Variants in SORCS2 observed in about 807,000 individuals in gnomAD.
SORCS2 encodes the protein VPS10 domain-containing receptor SorCS2.
SORCS2 carries 100 observed loss-of-function variants against 141.6 expected under a neutral mutation model. That is an observed-to-expected ratio of 0.71 (90% CI 0.60 to 0.83). The LOEUF is 0.83. SORCS2 is among the 40% of genes least tolerant of loss of function. The probability of loss-of-function intolerance (pLI) is 0.00; values close to 1 mark genes in which losing one functional copy is unlikely to be tolerated. For synonymous variants in SORCS2, 789 were observed against 676.9 expected (o/e 1.17, Z -2.57); for missense variants, 1,646 against 1,560.2 (o/e 1.05, Z -0.93).
At chr4:7,728,490 C>G (rs1310898636) in intron 22 of SORCS2, 28 bp downstream of exon 22, 6 of 1,544,872 alleles carry the variant, frequency 3.9e-6, no homozygotes, top group Non-Finnish European at 5.3e-6. Context: ...AGAGCCTCCC[C>G]AGCCCCACGG....
At chr4:7,221,739 C>T (rs551079293) in intron 1 of SORCS2, among the ~76,000 whole-genome samples, 13 of 152,344 alleles carry the variant, frequency 8.5e-5, no homozygotes, top group South Asian at 2.1e-4. Flanking sequence ...GGCCGTGGAG[C>T]GGGCAGCTCA....
chr4:7,398,726 G>T lies in SORCS2; in HGVS notation c.548+2371G>T, dbSNP rs375653792. Among the ~76,000 whole-genome samples, 11 of 152,272 alleles carry T rather than the reference G, an allele frequency of 7.2e-5. No individual in the cohort carries two copies. The South Asian group carries it at 2.1e-3, about 29-fold the overall frequency. On this transcript the variant is annotated intron_variant, in intron 2 of 26. Transcript: ENST00000507866. Reference sequence around the variant, plus strand: ...TCTAGTTTTTCCATGTAGTGACAGGGTCTGCGTCATCATTTCTTTTATGGC... The same window carrying T: ...TCTAGTTTTTCCATGTAGTGACAGGTTCTGCGTCATCATTTCTTTTATGGC...
At chr4:7,434,112 C>CTCCTCACAGAA in intron 2 of SORCS2, 1 of 1,612,654 alleles carries the variant, frequency 6.2e-7, no homozygotes, top group Non-Finnish European at 8.5e-7. Flanking sequence ...GTGCCCCTAG[C>CTCCTCACAGAA]TCCTCACAGA....
At chr4:7,732,452 C>T (rs571339482) in intron 23 of SORCS2, among the ~76,000 whole-genome samples, 43 of 152,320 alleles carry the variant, frequency 2.8e-4, no homozygotes, top group Admixed American at 1.8e-3. Flanking sequence ...TGTCACGTCA[C>T]GCAGACCCTG....
chr4:7,443,015 C>A (rs547908780), intron 2 of SORCS2, among the ~76,000 whole-genome samples: 3 of 152,320 alleles, frequency 2.0e-5, no homozygotes, highest in Non-Finnish European at 4.4e-5. Flanking sequence ...TAGCCTCTGC[C>A]TCTGTTGTGG....
Position 7,445,527 on chromosome 4 carries a change from A to G in SORCS2, c.548+49172A>G, listed in dbSNP as rs10002752. Among the ~76,000 whole-genome samples the G allele has an allele frequency of 9.6e-3, 1,463 of 152,190 alleles. 24 individuals are homozygous for G. Among genetic ancestry groups the G allele is most frequent in the African/African-American group, 0.034 (1,396 of 41,516 alleles). Reference sequence around the variant, plus strand: ...TGGGGCGCGGCAGCAGGTCCTGTGGATGGAGCGGGGCCGAGGGGAAGCACC... The same window carrying G: ...TGGGGCGCGGCAGCAGGTCCTGTGGGTGGAGCGGGGCCGAGGGGAAGCACC... On this transcript the variant is annotated intron_variant, in intron 2 of 26. Transcript: ENST00000507866.
intron 1 of SORCS2, among the ~76,000 whole-genome samples, chr4:7,251,573 C>G (rs1405245976): frequency 6.6e-6 from 1 of 152,176 alleles, no homozygotes; most frequent in Non-Finnish European, 1.5e-5. Context: ...GGCTCTGACA[C>G]TTTCACAGGT....
At chr4:7,634,785 T>G (rs1720137128) in intron 3 of SORCS2, among the ~76,000 whole-genome samples, 1 of 152,134 alleles carries the variant, frequency 6.6e-6, no homozygotes, top group Admixed American at 6.5e-5. Context: ...GGAAGGGCAG[T>G]GCCATCAGTG....
intron 9 of SORCS2, among the ~76,000 whole-genome samples, chr4:7,679,570 A>G (rs1238627247): frequency 1.3e-5 from 2 of 152,210 alleles, no homozygotes; most frequent in African/African-American, 4.8e-5. Context: ...CCCCATGGAG[A>G]CAGAGGCAGA....
In SORCS2 at chr4:7,703,400, G is replaced by A. The variant is rs150873167; in HGVS notation, c.1760+29G>A. On this transcript the variant is annotated intron_variant, in intron 13 of 26. Transcript: ENST00000507866. ...ATGGCGTCTGCTAGCCCCGGGGCAG[G>A]GAGGGCAGGCTGGGGCTCTTTCTTT... 814 of 1,590,122 alleles carry A rather than the reference G, an allele frequency of 5.1e-4. 7 individuals carry two copies. The East Asian group carries it at 0.018, about 35-fold the overall frequency.
At chr4:7,424,953 C>T (rs369442364) in intron 2 of SORCS2, among the ~76,000 whole-genome samples, 11 of 152,212 alleles carry the variant, frequency 7.2e-5, no homozygotes, top group South Asian at 2.1e-4. Flanking sequence ...TGCTGTGCCC[C>T]GGAGGGCCGC....
chr4:7,675,617 G>A (rs993307486), intron 8 of SORCS2, among the ~76,000 whole-genome samples: 4 of 152,206 alleles, frequency 2.6e-5, no homozygotes, highest in Admixed American at 2.6e-4. Flanking sequence ...TTGAATGAAG[G>A]AGGGAGCAGA....
At chr4:7,342,933 G>T (rs1285958961) in intron 1 of SORCS2, among the ~76,000 whole-genome samples, 1 of 152,208 alleles carries the variant, frequency 6.6e-6, no homozygotes, top group Non-Finnish European at 1.5e-5. Flanking sequence ...CTGGGTGCTG[G>T]CCAAGGTCTC....
At chr4:7,683,697 G>A (rs530264800) in intron 10 of SORCS2, among the ~76,000 whole-genome samples, 18 of 152,334 alleles carry the variant, frequency 1.2e-4, no homozygotes, top group African/African-American at 4.1e-4. Context: ...GGAGGGCAGT[G>A]TACCATCGCA....
chr4:7,211,062 T>C (rs1728032139), intron 1 of SORCS2, among the ~76,000 whole-genome samples: 1 of 152,246 alleles, frequency 6.6e-6, no homozygotes, highest in Non-Finnish European at 1.5e-5. Flanking sequence ...CAAAATCACT[T>C]GTGCAAGAAA....
At chr4:7,549,412 TG>T (rs1479688236) in intron 3 of SORCS2, among the ~76,000 whole-genome samples, 2 of 150,462 alleles carry the variant, frequency 1.3e-5, no homozygotes, top group East Asian at 3.9e-4. Flanking sequence ...ATTGATGTGG[TG>T]GGGCATTGGG....
intron 3 of SORCS2, among the ~76,000 whole-genome samples, chr4:7,617,080 C>G (rs1031093970): frequency 6.6e-6 from 1 of 152,216 alleles, no homozygotes; most frequent in Admixed American, 6.5e-5. Context: ...AGCAGCTAGT[C>G]CAAATTGTGG....
chr4:7,644,911 T>C (rs1474045113), intron 4 of SORCS2, among the ~76,000 whole-genome samples: 1 of 152,192 alleles, frequency 6.6e-6, no homozygotes, highest in Non-Finnish European at 1.5e-5. Context: ...TTTATTCTTG[T>C]TTATTTGCTG....
intron 4 of SORCS2, among the ~76,000 whole-genome samples, chr4:7,649,459 G>T (rs1330237502): frequency 6.6e-6 from 1 of 152,136 alleles, no homozygotes; most frequent in Non-Finnish European, 1.5e-5. Context: ...CTCTGCAGCT[G>T]CAGGACCGAG....
Sources: gnomAD v4.1 joint callset for allele counts (sites outside exome capture counted in the v4.1 genomes callset) on GRCh38, gnomAD v4.1.1 for gene constraint, MANE v1.5 for transcripts, NCBI Gene and HGNC (gene_info 2026-07-23, HGNC 2026-07-21) for gene names.